The following DGKB variants were observed in gnomAD, a reference collection of about 807,000 sequenced individuals.
The protein encoded by DGKB is 90 kDa diacylglycerol kinase.
In DGKB, 67 loss-of-function variants were observed where a neutral mutation model predicts 114.3. The observed-to-expected ratio is 0.59, with a 90% CI of 0.48 to 0.72. DGKB has a LOEUF of 0.72. Ranked by LOEUF, DGKB falls within the 30% of genes least tolerant of loss-of-function variation. The pLI is 0.00. For missense variants in DGKB, 907 were observed against 975.2 expected, an observed-to-expected ratio of 0.93 and a Z score of 0.93; for synonymous variants, 398 against 323.1, an observed-to-expected ratio of 1.23 and a Z score of -2.49.
At chr7:14,252,953 T>A (rs887040987) in intron 23 of DGKB, among the ~76,000 whole-genome samples, 1 of 152,174 alleles carries the variant, frequency 6.6e-6, no homozygotes, top group Non-Finnish European at 1.5e-5. Context: ...CTTATTTCTG[T>A]GTTCCACTCA....
intron 1 of DGKB, among the ~76,000 whole-genome samples, chr7:14,920,135 C>A (rs1205853331): frequency 6.6e-6 from 1 of 151,946 alleles, no homozygotes; most frequent in Non-Finnish European, 1.5e-5. Context: ...AAAGTGAAAT[C>A]CATACAAGAA....
chr7:14,231,622 G>A (rs183448220), intron 23 of DGKB, among the ~76,000 whole-genome samples: 1 of 151,734 alleles, frequency 6.6e-6, no homozygotes, highest in African/African-American at 2.4e-5. Flanking sequence ...TTGCACATAT[G>A]TGTGTGTGAA....
intron 2 of DGKB, among the ~76,000 whole-genome samples, chr7:14,817,935 C>CAAA (rs58195416): frequency 8.5e-4 from 126 of 147,692 alleles, no homozygotes; most frequent in African/African-American, 3.0e-3. Context: ...ATTCTGGTGA[C>CAAA]AAAAAAAAAA....
At chr7:14,544,851 CTG>C (rs147362173) in intron 20 of DGKB, among the ~76,000 whole-genome samples, 1,888 of 152,218 alleles carry the variant, frequency 0.012, 44 homozygotes, top group African/African-American at 0.044. Flanking sequence ...GCCCATCACA[CTG>C]TGTTTTTCCC....
chr7:14,609,145 C>T (rs1419810849), intron 16 of DGKB, among the ~76,000 whole-genome samples: 106 of 151,650 alleles, frequency 7.0e-4, no homozygotes, highest in Non-Finnish European at 4.4e-5. Context: ...GGAAGAATCA[C>T]ACCATAAGGC....
chr7:14,427,629 G>A (rs1265101422), intron 21 of DGKB, among the ~76,000 whole-genome samples: 2 of 152,148 alleles, frequency 1.3e-5, no homozygotes, highest in Non-Finnish European at 2.9e-5. Flanking sequence ...TGGCTGGGGA[G>A]GACTCACAAT....
chr7:14,674,595 T>A (rs1312453380), intron 12 of DGKB, among the ~76,000 whole-genome samples: 1 of 152,080 alleles, frequency 6.6e-6, no homozygotes, highest in Non-Finnish European at 1.5e-5. Context: ...GTGAACTTAA[T>A]TGGAAATACG....
chr7:14,313,220 C>T (rs1188393467), intron 23 of DGKB, among the ~76,000 whole-genome samples: 1 of 152,140 alleles, frequency 6.6e-6, no homozygotes, highest in Non-Finnish European at 1.5e-5. Flanking sequence ...CTGTGTGAGG[C>T]TTGATTTTCT....
intron 2 of DGKB, among the ~76,000 whole-genome samples, chr7:14,815,698 AAACCACAG>A (rs1287392986): frequency 6.6e-6 from 1 of 152,108 alleles, no homozygotes; most frequent in Non-Finnish European, 1.5e-5. Flanking sequence ...AGAGAACTTC[AAACCACAG>A]AACCACCCAC....
rs993117986 is a variant in DGKB at position 14,270,874 on chromosome 7, A to G, written c.2122+67641T>C. Among the ~76,000 whole-genome samples the G allele has an allele frequency of 3.3e-5, 5 of 152,204 alleles. No homozygotes were observed. In the South Asian group the frequency reaches 6.2e-4, roughly 19 times the overall value. On this transcript the variant is annotated intron_variant, in intron 23 of 25. Coordinates refer to ENST00000402815, the MANE Select transcript of DGKB (RefSeq NM_001350709.2). Reference sequence around the variant, plus strand: ...GGGTTAGGTATTCAAGCAAACAAGTAAAATATGATGTAGAAAGTGATTTTT... The same window carrying G: ...GGGTTAGGTATTCAAGCAAACAAGTGAAATATGATGTAGAAAGTGATTTTT...
rs574955063 is a variant in DGKB, at chr7:14,758,916, G to C, written c.71-1185C>G. Among the ~76,000 whole-genome samples the C allele has an allele frequency of 1.1e-4, 17 of 148,562 alleles. 1 individual carries two copies. In the South Asian group the frequency reaches 3.5e-3, roughly 31 times the overall value. On this transcript the variant is annotated intron_variant, in intron 2 of 25. Coordinates refer to ENST00000402815, the MANE Select transcript of DGKB (RefSeq NM_001350709.2). ...AGATAGATAGATAGATAGATAGATA[G>C]ATAGATAGATAGATAGATACATAGA...
intron 4 of DGKB, among the ~76,000 whole-genome samples, chr7:14,742,890 G>C (rs1236798038): frequency 2.0e-5 from 3 of 152,176 alleles, no homozygotes; most frequent in Non-Finnish European, 4.4e-5. Flanking sequence ...TTAAAGGATT[G>C]TTTTAAATTA....
At chr7:14,156,273 A>C (rs967726759) in intron 25 of DGKB, among the ~76,000 whole-genome samples, 1 of 152,098 alleles carries the variant, frequency 6.6e-6, no homozygotes. Context: ...CTTAATTCTA[A>C]ATATAGAATT....
intron 21 of DGKB, among the ~76,000 whole-genome samples, chr7:14,369,004 G>T (rs1817175252): frequency 6.6e-6 from 1 of 152,048 alleles, no homozygotes; most frequent in African/African-American, 2.4e-5. Context: ...CATGTGCCAT[G>T]GTGGTTTGCT....
chr7:14,356,394 C>T (rs1814523139), intron 21 of DGKB, among the ~76,000 whole-genome samples: 1 of 126,636 alleles, frequency 7.9e-6, no homozygotes. Context: ...CGGAGTCTCG[C>T]TCTATTGCCC....
intron 23 of DGKB, among the ~76,000 whole-genome samples, chr7:14,246,085 C>A (rs1036832514): frequency 6.6e-5 from 10 of 152,030 alleles, no homozygotes; most frequent in Non-Finnish European, 1.5e-4. Flanking sequence ...TGGAAAGGAG[C>A]CTTAATAGGG....
intron 21 of DGKB, among the ~76,000 whole-genome samples, chr7:14,415,439 G>C (rs1488904057): frequency 7.1e-6 from 1 of 139,966 alleles, no homozygotes; most frequent in African/African-American, 2.6e-5. Flanking sequence ...CCCCACAACA[G>C]GCCCCAGTGT....
chr7:14,293,549 T>G (rs1395240418), intron 23 of DGKB, among the ~76,000 whole-genome samples: 2 of 151,992 alleles, frequency 1.3e-5, no homozygotes, highest in African/African-American at 4.8e-5. Flanking sequence ...CAGAAAGAAA[T>G]AAATAAAAAA....
chr7:14,394,666 A>AT (rs56288834), intron 21 of DGKB, among the ~76,000 whole-genome samples: 109,226 of 149,452 alleles, frequency 0.73, 43,237 homozygotes, highest in Non-Finnish European at 0.9. Flanking sequence ...ATCAATGACC[A>AT]TTTTTTTTTT....
Sources: allele counts gnomAD v4.1 joint callset (sites outside exome capture counted in the v4.1 genomes callset), GRCh38; gene constraint gnomAD v4.1.1; transcripts MANE v1.5; gene names NCBI Gene and HGNC (gene_info 2026-07-23, HGNC 2026-07-21).